SH3PXD2A: variants seen among roughly 807,000 people sequenced by gnomAD.
The protein encoded by SH3PXD2A is SH3 and PX domains 2A, also known as SH3 and PX domain-containing protein 2A.
Under a neutral mutation model 115.2 loss-of-function variants are expected in SH3PXD2A, and 32 were observed. That is an observed-to-expected ratio of 0.28 (90% confidence interval 0.21 to 0.37). SH3PXD2A has a LOEUF of 0.37. Among genes scored for constraint, SH3PXD2A ranks in the 10% least tolerant of loss-of-function variants. The pLI is 1.00. For missense variants in SH3PXD2A, 1,328 were observed against 1,498.7 expected (o/e 0.89, Z 1.88); for synonymous variants, 610 against 629.1 (o/e 0.97, Z 0.45).
intron 3 of SH3PXD2A, among the ~76,000 whole-genome samples, chr10:103,751,204 T>C (rs1229205282): frequency 2.0e-5 from 3 of 152,220 alleles, no homozygotes; most frequent in Non-Finnish European, 2.9e-5. Flanking sequence ...TCACGCATGA[T>C]CTTATTGAAT....
chr10:103,610,801 T>C (rs2036415245), intron 13 of SH3PXD2A, among the ~76,000 whole-genome samples: 3 of 152,212 alleles, frequency 2.0e-5, no homozygotes. Context: ...CTGTCCCGTC[T>C]GATAAATAAG....
chr10:103,751,026 G>T (rs530257395), intron 3 of SH3PXD2A, among the ~76,000 whole-genome samples: 1 of 152,218 alleles, frequency 6.6e-6, no homozygotes, highest in Non-Finnish European at 1.5e-5. Context: ...AGCTGTCTCA[G>T]CTCCAGGCAT....
At position 103,612,999 on chromosome 10, in the gene SH3PXD2A, G is replaced by A; in HGVS notation, c.1112C>T (p.Ala371Val). 6.2e-7 allele frequency: 1 copy of A among 1,614,244 alleles called. No homozygotes were observed. Among genetic ancestry groups the A allele is most frequent in the Non-Finnish European group, 8.5e-7 (1 of 1,180,030 alleles). Residue 371 changes from alanine to valine, a missense_variant, in exon 12 of 15, where the codon GCC (alanine) becomes GTC (valine). Ala to Val is a moderately conservative substitution (Grantham distance 64, BLOSUM62 0). Around this residue, in one of 5 missense-constraint regions of SH3PXD2A, gnomAD observed 509 missense variants for 628.3 expected, o/e 0.81. Coordinates refer to ENST00000369774, the MANE Select transcript of SH3PXD2A (RefSeq NM_001394015.1). ...TPPAEGEGHE[A>V]PIAKKEISLP... ...GCTGATCTCCTTCTTGGCAATGGGG[G>A]CCTCATGGCCCTCGCCTTCGGCTGG...
intron 3 of SH3PXD2A, among the ~76,000 whole-genome samples, chr10:103,765,298 C>G (rs1410388666): frequency 1.2e-4 from 18 of 152,302 alleles, no homozygotes; most frequent in Admixed American, 1.2e-3. Context: ...CCAGGCCCCC[C>G]TCGTTCAGGA....
chr10:103,809,135 CCCT>C (rs2039238108), intron 1 of SH3PXD2A, among the ~76,000 whole-genome samples: 1 of 152,172 alleles, frequency 6.6e-6, no homozygotes, highest in Non-Finnish European at 1.5e-5. Context: ...AAATTCCAAC[CCCT>C]CCTCTAGAGT....
chr10:103,727,725 G>A (rs540985747), intron 4 of SH3PXD2A, among the ~76,000 whole-genome samples: 3 of 152,354 alleles, frequency 2.0e-5, no homozygotes, highest in South Asian at 2.1e-4. Context: ...CGTGGGCCAC[G>A]AGGGCCTCAG....
Position 103,597,908 on chromosome 10 carries a change from A to G in SH3PXD2A, c.*3908T>C, listed in dbSNP as rs2036157734. On this transcript the variant is annotated 3_prime_UTR_variant, in exon 15 of 15. Transcript: ENST00000369774. Reference sequence around the variant, plus strand: ...TATTTTATCTTTTTCCCCTTATTAAAAACAAGAACTACCAAACCAAGGTCT... The same window carrying G: ...TATTTTATCTTTTTCCCCTTATTAAGAACAAGAACTACCAAACCAAGGTCT... 6.6e-6 allele frequency: 1 copy of G among 152,506 alleles called. No individual in the cohort carries two copies. Among genetic ancestry groups the G allele is most frequent in the African/African-American group, 2.4e-5 (1 of 41,456 alleles). The allele number at this position is 152,506 out of a possible 1,614,324, so 9.4% of individuals were successfully genotyped here. A position where few individuals can be genotyped will look rare whatever the true frequency, so the allele number is the denominator to read the frequency against.
intron 14 of SH3PXD2A, among the ~76,000 whole-genome samples, chr10:103,604,302 G>C (rs2036267772): frequency 6.6e-6 from 1 of 152,206 alleles, no homozygotes; most frequent in Non-Finnish European, 1.5e-5. Flanking sequence ...TCTCTGCAGA[G>C]CCTTTCCCCA....
At position 103,599,935 on chromosome 10, in the gene SH3PXD2A, G is replaced by GTGTA. The variant is rs957898606; in HGVS notation, c.*1877_*1880dup. The stretch of plus-strand genomic sequence containing the variant: ...CATTTGCTCTAGCTGCCAGGCATCA[G>GTGTA]TGTATGGCGAGGGACAGGGGCTTAG... On this transcript the variant is annotated 3_prime_UTR_variant, in exon 15 of 15. Transcript: ENST00000369774. The GTGTA allele has an allele frequency of 1.3e-5, 2 of 152,222 alleles. No individual in the cohort carries two copies. The highest frequency in any genetic ancestry group is 4.8e-5 in the African/African-American group (2 of 41,338). 9.4% of individuals were successfully genotyped at this position (152,222 alleles called of 1,614,324 possible).
At chr10:103,724,615 C>T (rs1480429842) in intron 4 of SH3PXD2A, among the ~76,000 whole-genome samples, 1 of 152,054 alleles carries the variant, frequency 6.6e-6, no homozygotes, top group Non-Finnish European at 1.5e-5. Context: ...ACTAGCCAGC[C>T]AACTAACTGA....
chr10:103,720,625 T>C (rs933557058), intron 5 of SH3PXD2A, among the ~76,000 whole-genome samples: 2 of 152,230 alleles, frequency 1.3e-5, no homozygotes, highest in African/African-American at 4.8e-5. Context: ...CTTTGATAAT[T>C]TGATAAGCCA....
At chr10:103,850,608 G>C (rs1842887898) in intron 1 of SH3PXD2A, among the ~76,000 whole-genome samples, 1 of 152,120 alleles carries the variant, frequency 6.6e-6, no homozygotes, top group South Asian at 2.1e-4. Flanking sequence ...TTTCTTCCCA[G>C]CTTACCAGAA....
chr10:103,830,208 G>A (rs758313030), intron 1 of SH3PXD2A, among the ~76,000 whole-genome samples: 3 of 152,344 alleles, frequency 2.0e-5, no homozygotes, highest in South Asian at 2.1e-4. Context: ...GGAAGGTTTC[G>A]GGTTTCTGGT....
chr10:103,696,464 G>A (rs1374597323), intron 5 of SH3PXD2A, among the ~76,000 whole-genome samples: 2 of 152,022 alleles, frequency 1.3e-5, no homozygotes, highest in Non-Finnish European at 2.9e-5. Flanking sequence ...CCCTCTGCTG[G>A]GGCTCAGTTC....
intron 1 of SH3PXD2A, among the ~76,000 whole-genome samples, chr10:103,836,176 T>C (rs1011448673): frequency 6.6e-6 from 1 of 152,172 alleles, no homozygotes; most frequent in Non-Finnish European, 1.5e-5. Flanking sequence ...GTGGTTATTG[T>C]AAGTATATGC....
At chr10:103,658,832 C>T (rs1442415658) in intron 8 of SH3PXD2A, among the ~76,000 whole-genome samples, 1 of 152,234 alleles carries the variant, frequency 6.6e-6, no homozygotes, top group Non-Finnish European at 1.5e-5. Flanking sequence ...AGGTCATTTG[C>T]TCCAGCCCCT....
chr10:103,652,095 A>G (rs2037133753), intron 8 of SH3PXD2A, among the ~76,000 whole-genome samples: 1 of 152,250 alleles, frequency 6.6e-6, no homozygotes, highest in Non-Finnish European at 1.5e-5. Flanking sequence ...ATCCGATCCA[A>G]TAAAAACTCA....
Position 103,758,670 on chromosome 10 carries a change from G to A in SH3PXD2A, c.229+8424C>T, listed in dbSNP as rs74773930. ...TGACAGCAGGCCCTGAAAACTGCCC[G>A]TCCAGATTACAGAGTAGGAGACTGA... is the stretch of plus-strand genomic sequence containing the variant. On this transcript the variant is annotated intron_variant, in intron 3 of 14. Coordinates refer to ENST00000369774, the MANE Select transcript of SH3PXD2A (RefSeq NM_001394015.1). 1.4e-3 allele frequency among the ~76,000 whole-genome samples: 215 copies of A among 152,344 alleles called. 6 individuals carry two copies. The East Asian group carries it at 0.03, about 21-fold the overall frequency.
At chr10:103,712,808 C>T (rs2038061471) in intron 5 of SH3PXD2A, among the ~76,000 whole-genome samples, 1 of 152,202 alleles carries the variant, frequency 6.6e-6, no homozygotes, top group African/African-American at 2.4e-5. Flanking sequence ...GCTAGTTGCC[C>T]CAGCCAAGGG....
Sources: gnomAD v4.1 joint callset for allele counts (sites outside exome capture counted in the v4.1 genomes callset) on GRCh38, gnomAD v4.1.1 for gene constraint, gnomAD v4.1.1 regional missense constraint, MANE v1.5 for transcripts, NCBI Gene and HGNC (gene_info 2026-07-23, HGNC 2026-07-21) for gene names.